Variants in COMMD10 observed in about 807,000 individuals in gnomAD.
COMMD10 encodes COMM domain-containing protein 10.
COMMD10 carries 33 observed loss-of-function variants against 28.9 expected under a neutral mutation model. The observed-to-expected ratio is 1.14, with a 90% CI of 0.87 to 1.53. The LOEUF (loss-of-function observed/expected upper bound fraction) is 1.53. Ranked by LOEUF, COMMD10 falls within the 40% of genes most tolerant of loss-of-function variation. COMMD10 has a pLI of 0.00. For synonymous variants in COMMD10, 110 were observed against 81.7 expected (o/e 1.35, Z -1.87); for missense variants, 310 against 233.4 (o/e 1.33, Z -2.14).
intron 5 of COMMD10, among the ~76,000 whole-genome samples, chr5:116,210,924 G>T: frequency 6.6e-6 from 1 of 152,088 alleles, no homozygotes; most frequent in South Asian, 2.1e-4. Flanking sequence ...CTCTAGAAAA[G>T]ATAATAATAA....
chr5:116,146,789 A>G (rs1752363987), intron 5 of COMMD10, among the ~76,000 whole-genome samples: 2 of 151,878 alleles, frequency 1.3e-5, no homozygotes, highest in Non-Finnish European at 2.9e-5. Context: ...TTGTAACTAT[A>G]TATTTCTCAG....
At chr5:116,093,112 T>G (rs1750352770) in intron 4 of COMMD10, among the ~76,000 whole-genome samples, 2 of 152,216 alleles carry the variant, frequency 1.3e-5, no homozygotes, top group African/African-American at 2.4e-5. Context: ...GGGCCCTGAC[T>G]TAAGTTTAGA....
intron 5 of COMMD10, among the ~76,000 whole-genome samples, chr5:116,274,506 G>A (rs1015579657): frequency 6.6e-6 from 1 of 151,792 alleles, no homozygotes; most frequent in African/African-American, 2.4e-5. Context: ...TTGGCCTGCG[G>A]ACTATCAATC....
chr5:116,142,291 T>C (rs1205084722), intron 5 of COMMD10, among the ~76,000 whole-genome samples: 1 of 151,860 alleles, frequency 6.6e-6, no homozygotes, highest in East Asian at 1.9e-4. Flanking sequence ...TATTAGGATT[T>C]CTTAATAATT....
intron 4 of COMMD10, among the ~76,000 whole-genome samples, chr5:116,105,901 A>G (rs1220490931): frequency 3.3e-5 from 5 of 149,612 alleles, no homozygotes; most frequent in Non-Finnish European, 2.9e-5. Context: ...GAGCTTTTCA[A>G]AAAACCAGCT....
intron 4 of COMMD10, among the ~76,000 whole-genome samples, chr5:116,094,730 T>C (rs1454068040): frequency 6.6e-6 from 1 of 152,208 alleles, no homozygotes; most frequent in Non-Finnish European, 1.5e-5. Flanking sequence ...CCTGTGTTTG[T>C]TGCAACACTG....
chr5:116,255,928 T>C (rs186747638), intron 5 of COMMD10: 1 of 151,698 alleles, frequency 6.6e-6, no homozygotes, highest in Non-Finnish European at 1.5e-5. Context: ...GAATTGAATG[T>C]AGTGTTCAGA....
At chr5:116,244,170 G>C (rs10053282) in intron 5 of COMMD10, among the ~76,000 whole-genome samples, 90,526 of 151,894 alleles carry the variant, frequency 0.6, 31,141 homozygotes, top group South Asian at 0.77. Context: ...GAAAATATAG[G>C]TTGAGGTAGG....
Position 116,292,439 on chromosome 5 carries a change from C to A in COMMD10, c.571-12C>A, listed in dbSNP as rs773899804. The A allele has an allele frequency of 2.2e-5, 30 of 1,336,268 alleles. No individual in the cohort carries two copies. Among genetic ancestry groups the A allele is most frequent in the Admixed American group, 5.8e-5 (2 of 34,660 alleles). 82.8% of individuals were successfully genotyped at this position (1,336,268 alleles called of 1,614,324 possible). A position where few individuals can be genotyped will look rare whatever the true frequency, so the allele number is the denominator to read the frequency against. The stretch of plus-strand genomic sequence containing the variant: ...CACTAACGTCTTTTTTTTTTTTTGT[C>A]TTTGTAAATAGCTAGAGACTATACA... On this transcript the variant is annotated splice_polypyrimidine_tract_variant and intron_variant, in intron 6 of 6. Coordinates refer to ENST00000274458, the MANE Select transcript of COMMD10 (RefSeq NM_016144.4).
At chr5:116,177,341 T>C (rs1753549421) in intron 5 of COMMD10, among the ~76,000 whole-genome samples, 1 of 152,142 alleles carries the variant, frequency 6.6e-6, no homozygotes, top group Non-Finnish European at 1.5e-5. Flanking sequence ...ATGTAAATGC[T>C]CTTTGCATTA....
chr5:116,124,982 C>G (rs1424690329), intron 4 of COMMD10, among the ~76,000 whole-genome samples: 1 of 152,238 alleles, frequency 6.6e-6, no homozygotes, highest in African/African-American at 2.4e-5. Flanking sequence ...AGTGGTTCTC[C>G]TGAATACAGC....
chr5:116,148,991 T>A (rs1454864110), intron 5 of COMMD10, among the ~76,000 whole-genome samples: 4 of 114,348 alleles, frequency 3.5e-5, no homozygotes, highest in Admixed American at 2.9e-4. Flanking sequence ...CCTAAAGCTA[T>A]CCCTCCCCCC....
At chr5:116,146,952 A>C (rs1265474247) in intron 5 of COMMD10, among the ~76,000 whole-genome samples, 1 of 151,818 alleles carries the variant, frequency 6.6e-6, no homozygotes. Context: ...ACCTTTCAGA[A>C]ATGCCATGTC....
At chr5:116,106,951 T>G (rs1750859174) in intron 4 of COMMD10, among the ~76,000 whole-genome samples, 1 of 152,222 alleles carries the variant, frequency 6.6e-6, no homozygotes, top group African/African-American at 2.4e-5. Flanking sequence ...TCTGTGTCTT[T>G]TAATTGGGGC....
intron 4 of COMMD10, among the ~76,000 whole-genome samples, chr5:116,132,303 G>A (rs1207349132): frequency 6.6e-6 from 1 of 152,124 alleles, no homozygotes; most frequent in East Asian, 1.9e-4. Context: ...AGAAAAGTAG[G>A]TAGTTCAGAT....
chr5:116,214,579 A>G (rs189640343), intron 5 of COMMD10, among the ~76,000 whole-genome samples: 19 of 152,254 alleles, frequency 1.2e-4, no homozygotes, highest in East Asian at 1.9e-4. Flanking sequence ...AGTTTCTTCA[A>G]GGTGTTCTAT....
intron 5 of COMMD10, chr5:116,255,977 C>A (rs909944124): frequency 6.6e-6 from 1 of 151,520 alleles, no homozygotes; most frequent in African/African-American, 2.4e-5. Flanking sequence ...TTTCTCATTT[C>A]CTTAAATTTC....
chr5:116,247,781 AG>A (rs1378407654), intron 5 of COMMD10, among the ~76,000 whole-genome samples: 2 of 152,044 alleles, frequency 1.3e-5, no homozygotes, highest in African/African-American at 4.8e-5. Flanking sequence ...GGATACATAC[AG>A]GGGAACAACA....
chr5:116,177,525 A>ACCCC (rs11291496), intron 5 of COMMD10, among the ~76,000 whole-genome samples: 2 of 145,448 alleles, frequency 1.4e-5, no homozygotes, highest in African/African-American at 5.0e-5. Flanking sequence ...TGTCTAAGTG[A>ACCCC]CCCCCCCCAC....
Sources: gnomAD v4.1 joint callset for allele counts (sites outside exome capture counted in the v4.1 genomes callset) on GRCh38, gnomAD v4.1.1 for gene constraint, MANE v1.5 for transcripts, NCBI Gene and HGNC (gene_info 2026-07-23, HGNC 2026-07-21) for gene names.